The following PLXDC2 variants were observed in gnomAD, a reference collection of about 807,000 sequenced individuals.
PLXDC2 encodes plexin domain containing 2.
Under a neutral mutation model 68.9 loss-of-function variants are expected in PLXDC2, and 40 were observed. That is an observed-to-expected ratio of 0.58 (90% CI 0.45 to 0.76). The LOEUF is 0.76. Ranked by LOEUF, PLXDC2 falls within the 30% of genes least tolerant of loss-of-function variation. The pLI is 0.00. For missense variants in PLXDC2, 644 were observed against 661.9 expected, an observed-to-expected ratio of 0.97 and a Z score of 0.30; for synonymous variants, 243 against 234.2, an observed-to-expected ratio of 1.04 and a Z score of -0.34.
chr10:19,944,060 C>T (rs1035582930), intron 1 of PLXDC2, among the ~76,000 whole-genome samples: 3 of 152,214 alleles, frequency 2.0e-5, no homozygotes, highest in South Asian at 2.1e-4. Flanking sequence ...AATTTCATAA[C>T]GATTTGAAGA....
intron 4 of PLXDC2, among the ~76,000 whole-genome samples, chr10:20,090,155 G>C (rs1021438758): frequency 5.9e-5 from 9 of 152,098 alleles, no homozygotes; most frequent in African/African-American, 2.2e-4. Flanking sequence ...GTTCAGCAGT[G>C]GTTCATATGT....
intron 1 of PLXDC2, among the ~76,000 whole-genome samples, chr10:19,985,301 G>A (rs1834617131): frequency 1.3e-5 from 2 of 152,166 alleles, no homozygotes; most frequent in African/African-American, 4.8e-5. Context: ...CTTTCTACCT[G>A]TTGAAATATT....
At chr10:20,155,372 T>G (rs1002659345) in intron 6 of PLXDC2, among the ~76,000 whole-genome samples, 1 of 152,186 alleles carries the variant, frequency 6.6e-6, no homozygotes, top group Non-Finnish European at 1.5e-5. Context: ...ATAAGGTAAT[T>G]TCCTTCTATA....
chr10:20,245,688 A>G (rs983425493), intron 13 of PLXDC2, among the ~76,000 whole-genome samples, 183 bp downstream of exon 13: 3 of 152,212 alleles, frequency 2.0e-5, no homozygotes, highest in African/African-American at 7.2e-5. Flanking sequence ...TTGCTTTCAG[A>G]TGATGGATTC....
intron 6 of PLXDC2, among the ~76,000 whole-genome samples, 193 bp from the exon 7 acceptor site, chr10:20,164,275 A>G (rs965997256): frequency 2.0e-5 from 3 of 152,094 alleles, no homozygotes; most frequent in Non-Finnish European, 2.9e-5. Context: ...TGTCTCTTCT[A>G]TTCATTCAAT....
Position 20,283,838 on chromosome 10 carries a change from A to T in PLXDC2, c.*4019A>T, listed in dbSNP as rs1836112520. The T allele has an allele frequency of 6.6e-6, 1 of 152,240 alleles. No individual in the cohort carries two copies. Among genetic ancestry groups the T allele is most frequent in the Admixed American group, 6.5e-5 (1 of 15,276 alleles). The allele number at this position is 152,240 out of a possible 1,614,324, so 9.4% of individuals were successfully genotyped here. A position where few individuals can be genotyped will look rare whatever the true frequency, so the allele number is the denominator to read the frequency against. ...AGGAGCTATGGCATTAAAATATAAAACTATTTGGAACTTAATGTAAACCTT... is the reference window on the plus strand; with the variant it reads ...AGGAGCTATGGCATTAAAATATAAATCTATTTGGAACTTAATGTAAACCTT... On this transcript the variant is annotated 3_prime_UTR_variant, in exon 14 of 14. Coordinates refer to ENST00000377252, the MANE Select transcript of PLXDC2 (RefSeq NM_032812.9).
rs377763078 is a variant in PLXDC2 at position 20,125,350 on chromosome 10, C to T, written c.542-17945C>T. On this transcript the variant is annotated intron_variant, in intron 4 of 13. Transcript: ENST00000377252. ...TGAATCCTATGAGCCTGGTCCTAGCCGAGCAAACACAATTGGATGGTGTAT... is the reference window on the plus strand; with the variant it reads ...TGAATCCTATGAGCCTGGTCCTAGCTGAGCAAACACAATTGGATGGTGTAT... 1.4e-3 allele frequency among the ~76,000 whole-genome samples: 209 copies of T among 152,206 alleles called. 2 individuals are homozygous for T. Among genetic ancestry groups the T allele is most frequent in the South Asian group, 9.4e-3 (45 of 4,812 alleles).
chr10:20,063,024 T>C (rs946314097), intron 3 of PLXDC2, among the ~76,000 whole-genome samples: 1 of 152,172 alleles, frequency 6.6e-6, no homozygotes, highest in Non-Finnish European at 1.5e-5. Flanking sequence ...AAATCATAAA[T>C]ACCACTTTAC....
At chr10:20,197,726 T>C (rs1045181742) in intron 9 of PLXDC2, among the ~76,000 whole-genome samples, 1 of 150,894 alleles carries the variant, frequency 6.6e-6, no homozygotes, top group African/African-American at 2.4e-5. Context: ...TGGTGTGATC[T>C]CGGCTCACTG....
chr10:19,834,053 T>G (rs1836743580), intron 1 of PLXDC2, among the ~76,000 whole-genome samples: 1 of 152,092 alleles, frequency 6.6e-6, no homozygotes, highest in Admixed American at 6.6e-5. Flanking sequence ...TGGTGTTATT[T>G]GAAAGCAATG....
At chr10:19,993,717 G>T (rs1196007644) in intron 1 of PLXDC2, among the ~76,000 whole-genome samples, 1 of 152,182 alleles carries the variant, frequency 6.6e-6, no homozygotes, top group Non-Finnish European at 1.5e-5. Context: ...ACAGTACCTG[G>T]CCAAGTGTGT....
intron 2 of PLXDC2, among the ~76,000 whole-genome samples, chr10:20,003,995 T>C (rs1440451260): frequency 1.3e-5 from 2 of 152,156 alleles, no homozygotes; most frequent in Non-Finnish European, 2.9e-5. Context: ...AGTTCCTACT[T>C]TCTCTGAGCT....
intron 1 of PLXDC2, among the ~76,000 whole-genome samples, chr10:19,883,911 T>TTTTTTTTTTTTTTTTTTTTTTTTTTTG: frequency 7.3e-6 from 1 of 136,856 alleles, no homozygotes; most frequent in African/African-American, 2.7e-5. Context: ...TTTTTTTTTT[T>TTTTTTTTTTTTTTTTTTTTTTTTTTTG]AGCAGACAGG....
rs114039961 is a variant in PLXDC2 at position 19,983,448 on chromosome 10, C to T, written c.113-18327C>T. The stretch of plus-strand genomic sequence containing the variant: ...TGTTTTGTTCTTGGAGGATAAATGC[C>T]TACTTAACTTTTTTGGAAGTCAAGT... On this transcript the variant is annotated intron_variant, in intron 1 of 13. Transcript: ENST00000377252. 9.8e-3 allele frequency among the ~76,000 whole-genome samples: 1,494 copies of T among 152,198 alleles called. 26 individuals carry two copies. Among genetic ancestry groups the T allele is most frequent in the African/African-American group, 0.033 (1,390 of 41,552 alleles).
intron 2 of PLXDC2, among the ~76,000 whole-genome samples, chr10:20,035,975 G>C (rs545620584): frequency 6.6e-6 from 1 of 152,260 alleles, no homozygotes; most frequent in South Asian, 2.1e-4. Context: ...GATCAAGACA[G>C]ATAACTGTGG....
chr10:19,871,085 G>A (rs1241904687), intron 1 of PLXDC2, among the ~76,000 whole-genome samples: 1 of 152,216 alleles, frequency 6.6e-6, no homozygotes, highest in Non-Finnish European at 1.5e-5. Flanking sequence ...GATTGTCAGG[G>A]ACAGAAGGCA....
chr10:20,107,009 G>A (rs2131744616), intron 4 of PLXDC2, among the ~76,000 whole-genome samples: 1 of 148,604 alleles, frequency 6.7e-6, no homozygotes, highest in African/African-American at 2.5e-5. Context: ...GGGACATGTA[G>A]TGTATACATA....
intron 12 of PLXDC2, among the ~76,000 whole-genome samples, chr10:20,229,658 C>G (rs1835334578): frequency 6.6e-6 from 1 of 151,900 alleles, no homozygotes; most frequent in African/African-American, 2.4e-5. Flanking sequence ...TTCGAAACAG[C>G]TAGGTTTTCA....
chr10:20,022,111 C>G (rs925730643), intron 2 of PLXDC2, among the ~76,000 whole-genome samples: 1 of 152,222 alleles, frequency 6.6e-6, no homozygotes, highest in East Asian at 1.9e-4. Flanking sequence ...CTCATTTACT[C>G]TCGGATTCTC....
Sources: allele counts gnomAD v4.1 joint callset (sites outside exome capture counted in the v4.1 genomes callset), GRCh38; gene constraint gnomAD v4.1.1; transcripts MANE v1.5; gene names NCBI Gene and HGNC (gene_info 2026-07-23, HGNC 2026-07-21).